CDH8: variants seen among roughly 807,000 people sequenced by gnomAD.
The protein encoded by CDH8 is cadherin-8.
CDH8 carries 17 observed loss-of-function variants against 68.1 expected under a neutral mutation model. The ratio of observed to expected loss-of-function variants is 0.25; its 90% CI spans 0.17 to 0.37. CDH8 has a LOEUF of 0.37. Among genes scored for constraint, CDH8 ranks in the 10% least tolerant of loss-of-function variants. The probability of loss-of-function intolerance (pLI) is 1.00; values close to 1 mark genes in which losing one functional copy is unlikely to be tolerated. For missense variants in CDH8, 763 were observed against 999.3 expected, an observed-to-expected ratio of 0.76 and a Z score of 3.19; for synonymous variants, 372 against 365.1, an observed-to-expected ratio of 1.02 and a Z score of -0.21.
In CDH8 at chr16:61,854,229, T is replaced by C. The variant is rs547331408; in HGVS notation, c.667+2890A>G. Among the ~76,000 whole-genome samples, 10 of 151,956 alleles carry C rather than the reference T, an allele frequency of 6.6e-5. No individual in the cohort carries two copies. In the East Asian group the frequency reaches 1.9e-3, roughly 30 times the overall value. On this transcript the variant is annotated intron_variant, in intron 4 of 11. Transcript: ENST00000577390. Reference sequence around the variant, plus strand: ...GATTACTTTAAGGATTTCCATGCAGTTAGCTGAGACCCTGTAGCTGAAGTA... The same window carrying C: ...GATTACTTTAAGGATTTCCATGCAGCTAGCTGAGACCCTGTAGCTGAAGTA...
Position 61,901,343 on chromosome 16 carries a change from T to G in CDH8, c.383A>C (p.Glu128Ala). Reference sequence around the variant, plus strand: ...AGCTGTTAGGGTATACTCAGCCTTTTCCTCCCGGTCAAGTCTTTTTATAGC... The same window carrying G: ...AGCTGTTAGGGTATACTCAGCCTTTGCCTCCCGGTCAAGTCTTTTTATAGC... ...IHAIKRLDRE[E>A]KAEYTLTAQA... Residue 128 changes from glutamate (E) to alanine (A), a missense_variant, in exon 3 of 12, where the codon GAA (glutamate) becomes GCA (alanine). Glu to Ala is a moderately radical substitution (Grantham distance 107, BLOSUM62 -1). Transcript: ENST00000577390. 6.8e-6 allele frequency: 11 copies of G among 1,613,996 alleles called. No individual in the cohort carries two copies. Among genetic ancestry groups the G allele is most frequent in the Non-Finnish European group, 9.3e-6 (11 of 1,179,948 alleles).
chr16:61,972,571 G>GGTGTGTGT lies in CDH8; in HGVS notation c.252+48573_252+48580dup, dbSNP rs1555525996. 1.6e-3 allele frequency among the ~76,000 whole-genome samples: 217 copies of GGTGTGTGT among 131,536 alleles called. 1 individual carries two copies. The highest frequency in any genetic ancestry group is 5.3e-3 in the African/African-American group (192 of 36,194). 86.3% of individuals were successfully genotyped at this position (131,536 alleles called of 152,430 possible). ...TTTTTTTTTCTGGGAACACATTGTG[G>GGTGTGTGT]GTGTGTGTGTGTGTGTGTGTGTGTG... On this transcript the variant is annotated intron_variant, in intron 2 of 11. Coordinates refer to ENST00000577390, the MANE Select transcript of CDH8 (RefSeq NM_001796.5).
intron 5 of CDH8, among the ~76,000 whole-genome samples, 176 bp from the exon 6 acceptor site, chr16:61,821,289 T>A (rs867594150): frequency 6.6e-6 from 1 of 152,066 alleles, no homozygotes; most frequent in Middle Eastern, 3.2e-3. Context: ...GTCTTTTAAC[T>A]GAATCAGAGA....
intron 2 of CDH8, among the ~76,000 whole-genome samples, chr16:61,960,017 C>CATATATGTGTGTATGTAT (rs1567545592): frequency 3.4e-5 from 1 of 29,460 alleles, no homozygotes; most frequent in African/African-American, 1.7e-4. Context: ...TATATATATA[C>CATATATGTGTGTATGTAT]ACACATACAC....
intron 8 of CDH8, among the ~76,000 whole-genome samples, chr16:61,749,029 T>C (rs968551560): frequency 6.6e-5 from 10 of 152,090 alleles, no homozygotes; most frequent in Non-Finnish European, 1.2e-4. Context: ...GCTTACTGAA[T>C]ACTGGCTCTT....
At chr16:61,992,277 T>C (rs1021588299) in intron 2 of CDH8, among the ~76,000 whole-genome samples, 5 of 151,718 alleles carry the variant, frequency 3.3e-5, no homozygotes, top group Non-Finnish European at 5.9e-5. Context: ...AATGATGAGT[T>C]CATGTCCTTT....
At chr16:61,988,907 A>G (rs893734598) in intron 2 of CDH8, among the ~76,000 whole-genome samples, 2 of 152,224 alleles carry the variant, frequency 1.3e-5, no homozygotes, top group African/African-American at 4.8e-5. Flanking sequence ...ATATTCACAC[A>G]CGAGATCACT....
In CDH8 at chr16:61,718,988, G is replaced by A. The variant is rs898433684; in HGVS notation, c.1537-5030C>T. On this transcript the variant is annotated intron_variant, in intron 9 of 11. Transcript: ENST00000577390. ...ACAATAACCCAATTATTTCAAAACT[G>A]TAAAATGTAGTACAAACATATTCAC... 2.6e-5 allele frequency among the ~76,000 whole-genome samples: 4 copies of A among 151,174 alleles called. No individual in the cohort carries two copies. In the Admixed American group the frequency reaches 2.6e-4, roughly 10 times the overall value.
intron 2 of CDH8, among the ~76,000 whole-genome samples, chr16:61,932,004 G>A (rs960210857): frequency 2.0e-5 from 3 of 152,074 alleles, no homozygotes; most frequent in Non-Finnish European, 4.4e-5. Context: ...TCAGGAGATC[G>A]AGACCATCCT....
chr16:61,934,105 C>G (rs1421072752), intron 2 of CDH8: 1 of 152,130 alleles, frequency 6.6e-6, no homozygotes, highest in Non-Finnish European at 1.5e-5. Context: ...CATCCCACAC[C>G]TTACAGAAGC....
intron 10 of CDH8, among the ~76,000 whole-genome samples, chr16:61,702,056 G>A (rs1185754763): frequency 6.6e-6 from 1 of 152,120 alleles, no homozygotes; most frequent in Non-Finnish European, 1.5e-5. Flanking sequence ...AAGAGACACT[G>A]TTGTCTTCCT....
intron 9 of CDH8, 137 bp downstream of exon 9, chr16:61,726,957 G>C (rs535549193): frequency 5.0e-4 from 453 of 901,908 alleles, no homozygotes; most frequent in Non-Finnish European, 6.7e-4. Flanking sequence ...TTCCCTCTCT[G>C]TTCCCATTTG....
chr16:61,961,193 T>C (rs546284166), intron 2 of CDH8, among the ~76,000 whole-genome samples: 5 of 152,094 alleles, frequency 3.3e-5, no homozygotes, highest in African/African-American at 1.2e-4. Flanking sequence ...CACGCACATG[T>C]AGTCCCAGCT....
chr16:61,965,094 G>T (rs1965224226), intron 2 of CDH8, among the ~76,000 whole-genome samples: 1 of 152,058 alleles, frequency 6.6e-6, no homozygotes, highest in African/African-American at 2.4e-5. Flanking sequence ...TGGCTTTGGG[G>T]GTTGAGGTTG....
intron 7 of CDH8, among the ~76,000 whole-genome samples, chr16:61,791,205 A>G (rs754772055): frequency 9.3e-4 from 141 of 152,024 alleles, no homozygotes; most frequent in Non-Finnish European, 3.5e-4. Context: ...CCCATCCCCA[A>G]TCCCCAGGAT....
chr16:61,991,723 C>T (rs1428631534), intron 2 of CDH8, among the ~76,000 whole-genome samples: 2 of 152,142 alleles, frequency 1.3e-5, no homozygotes, highest in African/African-American at 4.8e-5. Context: ...CTCTGTCTCC[C>T]TGACTTTCCC....
At chr16:61,766,111 A>G (rs1960582937) in intron 8 of CDH8, among the ~76,000 whole-genome samples, 2 of 151,868 alleles carry the variant, frequency 1.3e-5, no homozygotes, top group African/African-American at 4.8e-5. Flanking sequence ...CATTGTACCC[A>G]ATAGGTAGTG....
At chr16:61,915,458 T>C (rs188155639) in intron 2 of CDH8, among the ~76,000 whole-genome samples, 1 of 152,210 alleles carries the variant, frequency 6.6e-6, no homozygotes, top group East Asian at 1.9e-4. Flanking sequence ...TAGCAAGTGA[T>C]AAAAAAATGA....
intron 2 of CDH8, among the ~76,000 whole-genome samples, chr16:61,943,031 T>G (rs1964748378): frequency 6.6e-6 from 1 of 152,160 alleles, no homozygotes; most frequent in East Asian, 1.9e-4. Flanking sequence ...CTGCACCATC[T>G]TGCCTGGACA....
Sources: allele counts gnomAD v4.1 joint callset (sites outside exome capture counted in the v4.1 genomes callset), GRCh38; gene constraint gnomAD v4.1.1; transcripts MANE v1.5; gene names NCBI Gene and HGNC (gene_info 2026-07-23, HGNC 2026-07-21).